PRKDC: variants seen among roughly 807,000 people sequenced by gnomAD.
PRKDC encodes the protein DNA-dependent protein kinase catalytic subunit.
PRKDC carries 82 observed loss-of-function variants against 486.9 expected under a neutral mutation model. The ratio of observed to expected loss-of-function variants is 0.17; its 90% CI spans 0.14 to 0.20. The LOEUF is 0.20. PRKDC is among the 10% of genes least tolerant of loss of function. The probability of loss-of-function intolerance (pLI) is 1.00; values close to 1 mark genes in which losing one functional copy is unlikely to be tolerated. For synonymous variants in PRKDC, 1,895 were observed against 1,837.0 expected (o/e 1.03, Z -0.81); for missense variants, 4,504 against 5,038.2 (o/e 0.89, Z 3.21).
At chr8:47,891,035 T>C (rs1007585951) in intron 31 of PRKDC, among the ~76,000 whole-genome samples, 1 of 152,184 alleles carries the variant, frequency 6.6e-6, no homozygotes, top group Non-Finnish European at 1.5e-5. Flanking sequence ...AACTTTCAGA[T>C]CAATCCTCAA....
At chr8:47,839,705 A>C (rs2088100666) in intron 55 of PRKDC, among the ~76,000 whole-genome samples, 1 of 152,240 alleles carries the variant, frequency 6.6e-6, no homozygotes. Flanking sequence ...TATTAATCAT[A>C]TGGTAAAAAA....
At position 47,906,562 on chromosome 8, in the gene PRKDC, G is replaced by A. The variant is rs144593670; in HGVS notation, c.2935-1586C>T. On this transcript the variant is annotated intron_variant, in intron 25 of 85. Transcript: ENST00000314191. ...AGCAGGAAAATCGCTTGAACTGGGAGGTGGAGGTTGCAGTGAGCCGAGATC... is the reference window on the plus strand; with the variant it reads ...AGCAGGAAAATCGCTTGAACTGGGAAGTGGAGGTTGCAGTGAGCCGAGATC... Among the ~76,000 whole-genome samples the A allele has an allele frequency of 1.5e-4, 22 of 151,118 alleles. 1 individual carries two copies. Among genetic ancestry groups the A allele is most frequent in the African/African-American group, 4.6e-4 (19 of 41,386 alleles).
chr8:47,946,173 T>C (rs1019084904), intron 7 of PRKDC, among the ~76,000 whole-genome samples: 2 of 151,968 alleles, frequency 1.3e-5, no homozygotes, highest in African/African-American at 4.8e-5. Flanking sequence ...CTACTAAAAA[T>C]AGGAAAAATT....
At chr8:47,876,804 A>C (rs1332113857) in intron 40 of PRKDC, among the ~76,000 whole-genome samples, 1 of 152,212 alleles carries the variant, frequency 6.6e-6, no homozygotes, top group Non-Finnish European at 1.5e-5. Context: ...TAAATTTAGA[A>C]GGAATAAAAG....
intron 40 of PRKDC, among the ~76,000 whole-genome samples, chr8:47,874,338 C>T (rs1424353481): frequency 6.6e-6 from 1 of 152,100 alleles, no homozygotes; most frequent in Non-Finnish European, 1.5e-5. Context: ...ACTTCAGTCA[C>T]CCTGACCTGA....
chr8:47,832,114 G>A (rs948783352), intron 59 of PRKDC, among the ~76,000 whole-genome samples, 188 bp from the exon 60 acceptor site: 2 of 152,224 alleles, frequency 1.3e-5, no homozygotes, highest in Admixed American at 6.5e-5. Context: ...AGGCATGAGC[G>A]CTGAACGGGC....
At chr8:47,858,665 A>G (rs1249356440) in intron 47 of PRKDC, 30 bp from the exon 48 acceptor site, 50 of 1,467,552 alleles carry the variant, frequency 3.4e-5, no homozygotes, top group Non-Finnish European at 4.3e-5. Flanking sequence ...ATTACCTTAA[A>G]ACGTGGAATA....
chr8:47,836,581 T>C lies in PRKDC; in HGVS notation c.7762-54A>G, dbSNP rs1223788348. ...AAAGTTTCAAATGAAATAATGCTCC[T>C]TTTTTAGGAACACTGATATATTTCT... On this transcript the variant is annotated intron_variant, in intron 57 of 85. Transcript: ENST00000314191. 5 of 1,424,460 alleles carry C rather than the reference T, an allele frequency of 3.5e-6. No homozygotes were observed. The African/African-American group carries it at 5.7e-5, about 16-fold the overall frequency. 88.2% of individuals were successfully genotyped at this position (1,424,460 alleles called of 1,614,324 possible).
At chr8:47,871,655 G>A (rs946630972) in intron 40 of PRKDC, among the ~76,000 whole-genome samples, 1 of 152,188 alleles carries the variant, frequency 6.6e-6, no homozygotes, top group Non-Finnish European at 1.5e-5. Context: ...CTGGAGTGCA[G>A]TGGCACGATC....
At position 47,855,289 on chromosome 8, in the gene PRKDC, T is replaced by C; in HGVS notation, c.6694A>G (p.Arg2232Gly). The C allele has an allele frequency of 6.2e-7, 1 of 1,602,916 alleles. No individual in the cohort carries two copies. Among genetic ancestry groups the C allele is most frequent in the East Asian group, 2.2e-5 (1 of 44,744 alleles). Reference sequence around the variant, plus strand: ...GTCTTTATAATTTCAAGGTTGTGTCTAAACACAGCTCTTTTTGGATGAAAG... The same window carrying C: ...GTCTTTATAATTTCAAGGTTGTGTCCAAACACAGCTCTTTTTGGATGAAAG... ...HVFHPKRAVF[R>G]HNLEIIKTLV... The change falls in exon 50 of 86, where the codon AGA becomes GGA. Residue 2232 changes from arginine to glycine, a missense_variant. Around this residue, in one of 6 missense-constraint regions of PRKDC, gnomAD observed 1,592 missense variants for 1,724.6 expected, o/e 0.92. Transcript: ENST00000314191.
chr8:47,864,718 T>C lies in PRKDC; in HGVS notation c.5409A>G (p.Glu1803=). Residue 1803 remains glutamate (E), a synonymous_variant, in exon 41 of 86, where the codon GAA becomes GAG. Coordinates refer to ENST00000314191, the MANE Select transcript of PRKDC (RefSeq NM_006904.7). ...TQVGLLESVY[E]MFRKDDPRLS... is the part of the protein sequence containing the mutation. ...GGCGGGGGTCATCCTTCCTGAACAT[T>C]TCATACACGCTTTCCAGAAGGCCTA... 1.2e-6 allele frequency: 2 copies of C among 1,605,406 alleles called. No individual in the cohort carries two copies. Among genetic ancestry groups the C allele is most frequent in the Non-Finnish European group, 1.7e-6 (2 of 1,175,682 alleles).
chr8:47,904,074 C>A (rs941023791), intron 26 of PRKDC, among the ~76,000 whole-genome samples: 7 of 151,142 alleles, frequency 4.6e-5, no homozygotes, highest in Non-Finnish European at 7.4e-5. Flanking sequence ...AAATAAGCAT[C>A]AAAAAAAAAC....
chr8:47,875,596 G>C (rs572898652), intron 40 of PRKDC, among the ~76,000 whole-genome samples: 15 of 152,200 alleles, frequency 9.9e-5, no homozygotes, highest in African/African-American at 3.1e-4. Flanking sequence ...CATCACATTT[G>C]GATAAGCTTT....
intron 24 of PRKDC, 143 bp downstream of exon 24, chr8:47,913,758 A>C: frequency 2.6e-6 from 2 of 758,424 alleles, no homozygotes; most frequent in Non-Finnish European, 3.8e-6. Flanking sequence ...TCTAATAAGT[A>C]AGTAGTTTTC....
intron 40 of PRKDC, among the ~76,000 whole-genome samples, chr8:47,876,626 A>C (rs1489154909): frequency 6.6e-6 from 1 of 150,784 alleles, no homozygotes; most frequent in Non-Finnish European, 1.5e-5. Flanking sequence ...ATGCCACCGC[A>C]CTCCAGCCTG....
chr8:47,881,000 T>C (rs2089202004), intron 38 of PRKDC, among the ~76,000 whole-genome samples: 1 of 150,832 alleles, frequency 6.6e-6, no homozygotes, highest in African/African-American at 2.4e-5. Context: ...TGAGCCATGA[T>C]TGTGCCACTG....
At chr8:47,830,449 G>A (rs973310142) in intron 61 of PRKDC, among the ~76,000 whole-genome samples, 156 bp downstream of exon 61, 1 of 152,228 alleles carries the variant, frequency 6.6e-6, no homozygotes, top group African/African-American at 2.4e-5. Context: ...GCCAGGACTT[G>A]GAGCAAGGTC....
In PRKDC at chr8:47,873,733, C is replaced by G. The variant is rs184937643; in HGVS notation, c.5363+3991G>C. Among the ~76,000 whole-genome samples, 602 of 152,242 alleles carry G rather than the reference C, an allele frequency of 4.0e-3. 4 individuals carry two copies. Among genetic ancestry groups the G allele is most frequent in the South Asian group, 0.025 (120 of 4,832 alleles). On this transcript the variant is annotated intron_variant, in intron 40 of 85. Transcript: ENST00000314191. ...CGTGAATGGAACTGGAAATCAGTAT[C>G]TTATGTGAAATAAGTAAGGCACAGA...
At chr8:47,812,106 T>A (rs1164201504) in intron 68 of PRKDC, among the ~76,000 whole-genome samples, 1 of 152,244 alleles carries the variant, frequency 6.6e-6, no homozygotes, top group Non-Finnish European at 1.5e-5. Context: ...TATCCATATG[T>A]ATGTACCTAA....
Sources: gnomAD v4.1 joint callset for allele counts (sites outside exome capture counted in the v4.1 genomes callset) on GRCh38, gnomAD v4.1.1 for gene constraint, gnomAD v4.1.1 regional missense constraint, MANE v1.5 for transcripts, NCBI Gene and HGNC (gene_info 2026-07-23, HGNC 2026-07-21) for gene names.